The following NPAS2 variants were observed in gnomAD, a reference collection of about 807,000 sequenced individuals.
NPAS2 encodes neuronal PAS domain-containing protein 2.
In NPAS2, 23 loss-of-function variants were observed where a neutral mutation model predicts 107.5. That is an observed-to-expected ratio of 0.21 (90% confidence interval 0.15 to 0.30). The LOEUF (loss-of-function observed/expected upper bound fraction) is 0.30, where lower values mean the gene tolerates loss of function less well. NPAS2 is among the 10% of genes least tolerant of loss of function. NPAS2 has a pLI of 1.00. For synonymous variants in NPAS2, 403 were observed against 417.5 expected (o/e 0.97, Z 0.42); for missense variants, 756 against 1,043.3 (o/e 0.72, Z 3.79).
intron 1 of NPAS2, among the ~76,000 whole-genome samples, chr2:100,834,950 A>G (rs1296472730): frequency 6.6e-6 from 1 of 152,142 alleles, no homozygotes; most frequent in Admixed American, 6.5e-5. Context: ...CCTGACCTCA[A>G]GTGATCTGCA....
At chr2:100,887,042 C>A (rs1680740269) in intron 1 of NPAS2, among the ~76,000 whole-genome samples, 1 of 152,176 alleles carries the variant, frequency 6.6e-6, no homozygotes, top group Admixed American at 6.5e-5. Flanking sequence ...TCTAAATATA[C>A]ATAACTGCAT....
chr2:100,948,654 A>G (rs1439339025), intron 6 of NPAS2, among the ~76,000 whole-genome samples: 1 of 152,224 alleles, frequency 6.6e-6, no homozygotes, highest in Non-Finnish European at 1.5e-5. Context: ...TTTTAGTAAG[A>G]AACAGTGCAA....
intron 4 of NPAS2, among the ~76,000 whole-genome samples, chr2:100,936,272 A>G (rs1684293011): frequency 6.6e-6 from 1 of 152,152 alleles, no homozygotes. Context: ...ACACCCTCCT[A>G]ATGTGAAAGA....
Position 100,974,839 on chromosome 2 carries a change from A to T in NPAS2, c.1177A>T (p.Asn393Tyr), listed in dbSNP as rs747410783. The change falls in exon 13 of 21, where the codon AAC becomes TAC. Residue 393 changes from asparagine (N) to tyrosine (Y), a missense_variant. Physicochemically the swap from Asn to Tyr is moderately radical, Grantham distance 143. This residue lies in a region of NPAS2 where 496 missense variants were observed against 594.4 expected (regional missense o/e 0.83). Transcript: ENST00000335681. ...GSSLEPRQHFNTLDVGASGLN... is the reference protein window; with the variant it reads ...GSSLEPRQHFYTLDVGASGLN... ...AAGCCTGGAACCTCGGCAGCACTTT[A>T]ACACACTCGACGTGGGTGCCTCGGG... 17 of 1,614,124 alleles carry T rather than the reference A, an allele frequency of 1.1e-5. No individual in the cohort carries two copies. Among genetic ancestry groups the T allele is most frequent in the Non-Finnish European group, 1.0e-5 (12 of 1,180,010 alleles).
At chr2:100,936,539 A>G (rs1015824753) in intron 4 of NPAS2, among the ~76,000 whole-genome samples, 9 of 152,120 alleles carry the variant, frequency 5.9e-5, no homozygotes, top group Admixed American at 5.9e-4. Context: ...CCTCCCCCTC[A>G]CTGGCACACC....
Position 100,965,828 on chromosome 2 carries a change from G to T in NPAS2, c.907+62G>T. ...GCGTTCACTCCACTGGGGCCCAGCA[G>T]CAGGGCTCTGGGACTCCAGAAGCCT... On this transcript the variant is annotated intron_variant, in intron 10 of 20. Coordinates refer to ENST00000335681, the MANE Select transcript of NPAS2 (RefSeq NM_002518.4). This position sits in a 1 kb window ranked among gnomAD's most constrained non-coding sequence, Gnocchi z 4.3. 4 of 1,062,222 alleles carry T rather than the reference G, an allele frequency of 3.8e-6. No homozygotes were observed. In the South Asian group the frequency reaches 5.4e-5, roughly 14 times the overall value. 65.8% of individuals were successfully genotyped at this position (1,062,222 alleles called of 1,614,324 possible). A position where few individuals can be genotyped will look rare whatever the true frequency, so the allele number is the denominator to read the frequency against.
At chr2:100,852,211 A>C (rs182848484) in intron 1 of NPAS2, among the ~76,000 whole-genome samples, 94 of 152,070 alleles carry the variant, frequency 6.2e-4, no homozygotes, top group African/African-American at 2.1e-3. Context: ...CCTGGCTAAC[A>C]CGGTGAAACC....
intron 1 of NPAS2, among the ~76,000 whole-genome samples, chr2:100,829,902 C>G (rs1676621460): frequency 6.6e-6 from 1 of 152,210 alleles, no homozygotes; most frequent in Non-Finnish European, 1.5e-5. Context: ...TCTACTTCCT[C>G]ACTCCTAAGT....
chr2:100,975,901 T>C (rs1183391836), intron 14 of NPAS2, among the ~76,000 whole-genome samples: 2 of 152,182 alleles, frequency 1.3e-5, no homozygotes, highest in African/African-American at 4.8e-5. Context: ...TTGAATCCCC[T>C]TTCATGCTGG....
chr2:100,823,103 G>A (rs1676171189), intron 1 of NPAS2, among the ~76,000 whole-genome samples: 1 of 152,146 alleles, frequency 6.6e-6, no homozygotes, highest in Non-Finnish European at 1.5e-5. Context: ...TGGGAAATGA[G>A]CTGAATTGTT....
At chr2:100,867,551 CCTTTTACT>C (rs777261328) in intron 1 of NPAS2, among the ~76,000 whole-genome samples, 38 of 152,028 alleles carry the variant, frequency 2.5e-4, no homozygotes, top group Non-Finnish European at 4.7e-4. Flanking sequence ...TGTTTTTTCT[CCTTTTACT>C]CTTTAAGTTT....
At chr2:100,866,467 A>G (rs1679262581) in intron 1 of NPAS2, among the ~76,000 whole-genome samples, 1 of 152,212 alleles carries the variant, frequency 6.6e-6, no homozygotes, top group Non-Finnish European at 1.5e-5. Flanking sequence ...GCAGTCTCAG[A>G]GTTAACCTGG....
intron 1 of NPAS2, among the ~76,000 whole-genome samples, chr2:100,847,655 C>T (rs1677868133): frequency 6.6e-6 from 1 of 152,262 alleles, no homozygotes; most frequent in African/African-American, 2.4e-5. Flanking sequence ...CAGGTGTGAG[C>T]CACCATGCCT....
intron 1 of NPAS2, among the ~76,000 whole-genome samples, chr2:100,842,081 G>GTGCGCGCACACACACACA (rs1553441796): frequency 4.0e-5 from 6 of 148,798 alleles, no homozygotes; most frequent in African/African-American, 1.5e-4. Flanking sequence ...GCATGTACGC[G>GTGCGCGCACACACACACA]CACACACACA....
At chr2:100,911,724 C>T (rs1198535397) in intron 2 of NPAS2, among the ~76,000 whole-genome samples, 2 of 152,142 alleles carry the variant, frequency 1.3e-5, no homozygotes, top group African/African-American at 2.4e-5. Flanking sequence ...CTCCACCTCC[C>T]GGGTTCAAGC....
At chr2:100,955,775 C>T (rs1368114232) in intron 7 of NPAS2, among the ~76,000 whole-genome samples, 1 of 152,094 alleles carries the variant, frequency 6.6e-6, no homozygotes, top group East Asian at 1.9e-4. Flanking sequence ...CACATCAAGC[C>T]GCCTCCTCAC....
At chr2:100,918,976 C>T (rs1475003878) in intron 2 of NPAS2, among the ~76,000 whole-genome samples, 1 of 152,190 alleles carries the variant, frequency 6.6e-6, no homozygotes, top group African/African-American at 2.4e-5. Context: ...ATTACCCAAA[C>T]TGGAAACAAC....
rs943693713 is a variant in NPAS2 at position 100,995,715 on chromosome 2, GA to G, written c.*134del. The G allele has an allele frequency of 2.6e-6, 4 of 1,549,570 alleles. No individual in the cohort carries two copies. In the African/African-American group the frequency reaches 4.1e-5, roughly 16 times the overall value. Reference sequence around the variant, plus strand: ...CACTGCATACGTTTCAGAACTCCTGGATGGTAACCATCTCTGGAGTGCAGCG... The same window carrying G: ...CACTGCATACGTTTCAGAACTCCTGGTGGTAACCATCTCTGGAGTGCAGCG... On this transcript the variant is annotated 3_prime_UTR_variant, in exon 21 of 21. Coordinates refer to ENST00000335681, the MANE Select transcript of NPAS2 (RefSeq NM_002518.4).
intron 7 of NPAS2, among the ~76,000 whole-genome samples, chr2:100,956,802 C>T (rs1675596224): frequency 6.6e-6 from 1 of 152,202 alleles, no homozygotes; most frequent in African/African-American, 2.4e-5. Flanking sequence ...GTCTGCTCGC[C>T]CACATGGCTA....
Sources: allele counts gnomAD v4.1 joint callset (sites outside exome capture counted in the v4.1 genomes callset), GRCh38; gene constraint gnomAD v4.1.1; regional missense constraint gnomAD v4.1.1; non-coding constraint Gnocchi (gnomAD v3.1); transcripts MANE v1.5; gene names NCBI Gene and HGNC (gene_info 2026-07-23, HGNC 2026-07-21).